The following EPO variants were observed in gnomAD, a reference collection of about 807,000 sequenced individuals.
EPO encodes the protein erythropoietin.
A neutral mutation model predicts 24.4 loss-of-function variants in EPO; 12 were observed. The observed-to-expected ratio is 0.49, with a 90% CI of 0.32 to 0.80. The LOEUF is 0.80. Ranked by LOEUF, EPO falls within the 30% of genes least tolerant of loss-of-function variation. The pLI, the probability that EPO is intolerant of heterozygous loss-of-function variation, is 0.04. For synonymous variants in EPO, 107 were observed against 104.0 expected (o/e 1.03, Z -0.18); for missense variants, 210 against 238.0 (o/e 0.88, Z 0.77).
Position 100,721,467 on chromosome 7 carries a change from T to A in EPO, c.14-91T>A. 6.6e-7 allele frequency: 1 copy of A among 1,520,300 alleles called. No individual in the cohort carries two copies. Among genetic ancestry groups the A allele is most frequent in the Non-Finnish European group, 8.9e-7 (1 of 1,126,560 alleles). The allele number at this position is 1,520,300 out of a possible 1,614,324, so 94.2% of individuals were successfully genotyped here. On this transcript the variant is annotated intron_variant, in intron 1 of 4. Coordinates refer to ENST00000252723, the MANE Select transcript of EPO (RefSeq NM_000799.4). The surrounding 1 kb of genome is among the most constrained non-coding windows in gnomAD (Gnocchi z 4.0). ...ATGGTTGGGGACAGGAAGGACGAGC[T>A]GGGGCAGAGACGTGGGGATGAAGGA...
chr7:100,721,877 G>C lies in EPO; in HGVS notation c.160-85G>C. 1 of 1,540,682 alleles carries C rather than the reference G, an allele frequency of 6.5e-7. No individual in the cohort carries two copies. Among genetic ancestry groups the C allele is most frequent in the Non-Finnish European group, 8.8e-7 (1 of 1,139,992 alleles). On this transcript the variant is annotated intron_variant, in intron 2 of 4. Transcript: ENST00000252723. This position sits in a 1 kb window ranked among gnomAD's most constrained non-coding sequence, Gnocchi z 4.0. ...AAACCATACCTGGAAACTAGGCAAG[G>C]AGCAAAGCCAGCAGATCCTACGGCC...
chr7:100,721,691 C>A lies in EPO; in HGVS notation c.147C>A (p.Ala49=). 6.2e-7 allele frequency: 1 copy of A among 1,610,300 alleles called. No individual in the cohort carries two copies. Among genetic ancestry groups the A allele is most frequent in the Non-Finnish European group, 8.5e-7 (1 of 1,179,908 alleles). Residue 49 remains alanine (A), a synonymous_variant, in exon 2 of 5, where the codon GCC becomes GCA. Coordinates refer to ENST00000252723, the MANE Select transcript of EPO (RefSeq NM_000799.4). The surrounding 1 kb of genome is among the most constrained non-coding windows in gnomAD (Gnocchi z 4.0). ...GGTACCTCTTGGAGGCCAAGGAGGCCGAGAATATCACGGTGAGACCCCTTC... is the reference window on the plus strand; with the variant it reads ...GGTACCTCTTGGAGGCCAAGGAGGCAGAGAATATCACGGTGAGACCCCTTC... ...LERYLLEAKE[A]ENITTGCAEH...
rs1328209764 is a variant in EPO at position 100,722,811 on chromosome 7, C to T, written c.394C>T (p.Leu132Phe). 1 of 1,613,902 alleles carries T rather than the reference C, an allele frequency of 6.2e-7. No individual in the cohort carries two copies. The highest frequency in any genetic ancestry group is 2.2e-5 in the East Asian group (1 of 44,858). The change falls in exon 4 of 5, where the codon CTC (leucine) becomes TTC (phenylalanine). Residue 132 changes from leucine to phenylalanine, a missense_variant. Transcript: ENST00000252723. Reference sequence around the variant, plus strand: ...TAAAGCCGTCAGTGGCCTTCGCAGCCTCACCACTCTGCTTCGGGCTCTGGG... The same window carrying T: ...TAAAGCCGTCAGTGGCCTTCGCAGCTTCACCACTCTGCTTCGGGCTCTGGG... ...VDKAVSGLRS[L>F]TTLLRALGAQ...
Position 100,723,534 on chromosome 7 carries a change from T to G in EPO, c.*401T>G. 6.1e-6 allele frequency: 1 copy of G among 165,278 alleles called. No homozygotes were observed. The highest frequency in any genetic ancestry group is 1.8e-4 in the East Asian group (1 of 5,570). The allele number at this position is 165,278 out of a possible 1,614,324, so 10.2% of individuals were successfully genotyped here. Reference sequence around the variant, plus strand: ...CCTGGATAACTTAGGTGGCAAGCTGTGACTTCTCCAGGTCTCACGGGCATG... The same window carrying G: ...CCTGGATAACTTAGGTGGCAAGCTGGGACTTCTCCAGGTCTCACGGGCATG... On this transcript the variant is annotated 3_prime_UTR_variant, in exon 5 of 5. Coordinates refer to ENST00000252723, the MANE Select transcript of EPO (RefSeq NM_000799.4).
At chr7:100,722,370 A>G (rs1372829149) in intron 3 of EPO, among the ~76,000 whole-genome samples, 2 of 152,102 alleles carry the variant, frequency 1.3e-5, no homozygotes, top group African/African-American at 4.8e-5. Context: ...GGATCGCTTG[A>G]GCCCAGGAAT....
At position 100,720,941 on chromosome 7, in the gene EPO, C is replaced by T. The variant is rs141701177; in HGVS notation, c.-40C>T. The T allele has an allele frequency of 3.9e-3, 6,066 of 1,541,998 alleles. 18 individuals carry two copies. Among genetic ancestry groups the T allele is most frequent in the Non-Finnish European group, 4.4e-3 (5,071 of 1,146,778 alleles). ...GAGGGCCCCCGGTGTGGTCACCCGG[C>T]GCGCCCCAGGTCGCTGAGGGACCCC... On this transcript the variant is annotated 5_prime_UTR_variant, in exon 1 of 5. Transcript: ENST00000252723.
At position 100,721,841 on chromosome 7, in the gene EPO, C is replaced by A; in HGVS notation, c.160-121C>A. On this transcript the variant is annotated intron_variant, in intron 2 of 4. Coordinates refer to ENST00000252723, the MANE Select transcript of EPO (RefSeq NM_000799.4). The surrounding 1 kb of genome is among the most constrained non-coding windows in gnomAD (Gnocchi z 4.0). ...ACTGCCCCCCTACATAAGAATAAGT[C>A]TGGTGGCCCCAAACCATACCTGGAA... 6.7e-7 allele frequency: 1 copy of A among 1,502,190 alleles called. No individual in the cohort carries two copies. The highest frequency in any genetic ancestry group is 2.3e-5 in the East Asian group (1 of 44,088). The allele number at this position is 1,502,190 out of a possible 1,614,324, so 93.1% of individuals were successfully genotyped here.
Position 100,721,451 on chromosome 7 carries a change from G to A in EPO, c.14-107G>A. ...GCACCTGAGTGCTTGCATGGTTGGG[G>A]ACAGGAAGGACGAGCTGGGGCAGAG... On this transcript the variant is annotated intron_variant, in intron 1 of 4. Coordinates refer to ENST00000252723, the MANE Select transcript of EPO (RefSeq NM_000799.4). This position sits in a 1 kb window ranked among gnomAD's most constrained non-coding sequence, Gnocchi z 4.0. The A allele has an allele frequency of 2.1e-6, 3 of 1,456,536 alleles. No individual in the cohort carries two copies. The highest frequency in any genetic ancestry group is 2.8e-6 in the Non-Finnish European group (3 of 1,077,990). The allele number at this position is 1,456,536 out of a possible 1,614,324, so 90.2% of individuals were successfully genotyped here.
Position 100,721,106 on chromosome 7 carries a change from C to A in EPO, c.13+113C>A. Reference sequence around the variant, plus strand: ...CTGGGTTCAAGGACCGGCGACTTGTCAAGGACCCCGGAAGGGGGAGGGGGG... The same window carrying A: ...CTGGGTTCAAGGACCGGCGACTTGTAAAGGACCCCGGAAGGGGGAGGGGGG... On this transcript the variant is annotated intron_variant, in intron 1 of 4. Coordinates refer to ENST00000252723, the MANE Select transcript of EPO (RefSeq NM_000799.4). This position sits in a 1 kb window ranked among gnomAD's most constrained non-coding sequence, Gnocchi z 4.0. The A allele has an allele frequency of 8.0e-7, 1 of 1,249,046 alleles. No homozygotes were observed. Among genetic ancestry groups the A allele is most frequent in the Non-Finnish European group, 1.1e-6 (1 of 947,842 alleles). 77.4% of individuals were successfully genotyped at this position (1,249,046 alleles called of 1,614,324 possible). A position where few individuals can be genotyped will look rare whatever the true frequency, so the allele number is the denominator to read the frequency against.
At chr7:100,722,871 C>T in intron 4 of EPO, 28 bp downstream of exon 4, 1 of 1,609,244 alleles carries the variant, frequency 6.2e-7, no homozygotes, top group Non-Finnish European at 8.5e-7. Flanking sequence ...CTTCTGCTTG[C>T]CCTTTCTGTA....
Position 100,723,353 on chromosome 7 carries a change from C to G in EPO, c.*220C>G, listed in dbSNP as rs535398997. ...ATGTCACAGGGCCAACTTGAGGGCCCAGAGCAGGAAGCATTCAGAGAGCAG... is the reference window on the plus strand; with the variant it reads ...ATGTCACAGGGCCAACTTGAGGGCCGAGAGCAGGAAGCATTCAGAGAGCAG... On this transcript the variant is annotated 3_prime_UTR_variant, in exon 5 of 5. Transcript: ENST00000252723. 50 of 540,856 alleles carry G rather than the reference C, an allele frequency of 9.2e-5. No individual in the cohort carries two copies. Among genetic ancestry groups the G allele is most frequent in the African/African-American group, 9.0e-4 (47 of 52,466 alleles). 33.5% of individuals were successfully genotyped at this position (540,856 alleles called of 1,614,324 possible). A position where few individuals can be genotyped will look rare whatever the true frequency, so the allele number is the denominator to read the frequency against.
In EPO at chr7:100,721,506, C is replaced by T. The variant is rs1806739170; in HGVS notation, c.14-52C>T. ...GGGGATGAAGGAAGCTGTCCTTCCA[C>T]AGCCACCCTTCTCCCTCCCCGCCTG... On this transcript the variant is annotated intron_variant, in intron 1 of 4. Coordinates refer to ENST00000252723, the MANE Select transcript of EPO (RefSeq NM_000799.4). The surrounding 1 kb of genome is among the most constrained non-coding windows in gnomAD (Gnocchi z 4.0). 1.3e-6 allele frequency: 2 copies of T among 1,588,762 alleles called. No individual in the cohort carries two copies. Among genetic ancestry groups the T allele is most frequent in the Admixed American group, 1.7e-5 (1 of 57,746 alleles).
Position 100,722,945 on chromosome 7 carries a change from C to T in EPO, c.427-33C>T, listed in dbSNP as rs372954682. ...GTCCGTATTCCTTCCCTTTCTGTGG[C>T]ACTGCAGCGACCTCCTGTTTTCTCC... On this transcript the variant is annotated intron_variant, in intron 4 of 4. Transcript: ENST00000252723. The T allele has an allele frequency of 5.6e-6, 9 of 1,611,852 alleles. No homozygotes were observed. The African/African-American group carries it at 1.2e-4, about 22-fold the overall frequency.
chr7:100,721,702 C>T lies in EPO; in HGVS notation c.158C>T (p.Thr53Met), dbSNP rs773895305. ...GAGGCCAAGGAGGCCGAGAATATCA[C>T]GGTGAGACCCCTTCCCCAGCACATT... Reference protein sequence around the residue: ...LLEAKEAENITTGCAEHCSLN... With the variant: ...LLEAKEAENIMTGCAEHCSLN... The change falls in exon 2 of 5, where the codon ACG (threonine) becomes ATG (methionine). Residue 53 changes from threonine (T) to methionine (M), a missense_variant and splice_region_variant. Thr to Met is a moderately conservative substitution (Grantham distance 81). Coordinates refer to ENST00000252723, the MANE Select transcript of EPO (RefSeq NM_000799.4). This position sits in a 1 kb window ranked among gnomAD's most constrained non-coding sequence, Gnocchi z 4.0. 1.4e-5 allele frequency: 23 copies of T among 1,607,988 alleles called. No homozygotes were observed. Among genetic ancestry groups the T allele is most frequent in the South Asian group, 2.2e-5 (2 of 91,010 alleles).
rs1415744925 is a variant in EPO, at chr7:100,723,661, TGTA to T, written c.*529_*531del. ...TGGCTCTCATGGGGTCCAAGTTTTG[TGTA>T]TTCTTCAACCTCATTGACAAGAACT... On this transcript the variant is annotated 3_prime_UTR_variant, in exon 5 of 5. Transcript: ENST00000252723. 6.5e-6 allele frequency: 1 copy of T among 152,698 alleles called. No individual in the cohort carries two copies. The highest frequency in any genetic ancestry group is 1.5e-5 in the Non-Finnish European group (1 of 68,496). 9.5% of individuals were successfully genotyped at this position (152,698 alleles called of 1,614,324 possible). A position where few individuals can be genotyped will look rare whatever the true frequency, so the allele number is the denominator to read the frequency against.
intron 3 of EPO, 134 bp from the exon 4 acceptor site, chr7:100,722,529 TC>T: frequency 1.6e-6 from 1 of 641,156 alleles, no homozygotes; most frequent in Non-Finnish European, 2.7e-6. Context: ...ACTCACTCAC[TC>T]ATTCATTCAT....
Position 100,723,103 on chromosome 7 carries a change from A to T in EPO, c.552A>T (p.Thr184=). 2 of 1,614,034 alleles carry T rather than the reference A, an allele frequency of 1.2e-6. No individual in the cohort carries two copies. The highest frequency in any genetic ancestry group is 1.7e-6 in the Non-Finnish European group (2 of 1,180,000). Reference sequence around the variant, plus strand: ...TCCGGGGAAAGCTGAAGCTGTACACAGGGGAGGCCTGCAGGACAGGGGACA... The same window carrying T: ...TCCGGGGAAAGCTGAAGCTGTACACTGGGGAGGCCTGCAGGACAGGGGACA... ...NFLRGKLKLY[T]GEACRTGDR Residue 184 remains threonine (T), a synonymous_variant, in exon 5 of 5, where the codon ACA becomes ACT. Coordinates refer to ENST00000252723, the MANE Select transcript of EPO (RefSeq NM_000799.4).
intron 3 of EPO, among the ~76,000 whole-genome samples, chr7:100,722,325 T>TG (rs1251356996): frequency 6.6e-6 from 1 of 151,918 alleles, no homozygotes; most frequent in Non-Finnish European, 1.5e-5. Flanking sequence ...TGGTGCATGG[T>TG]GGTAGTCCCA....
chr7:100,721,858 T>C lies in EPO; in HGVS notation c.160-104T>C. The stretch of plus-strand genomic sequence containing the variant: ...GAATAAGTCTGGTGGCCCCAAACCA[T>C]ACCTGGAAACTAGGCAAGGAGCAAA... On this transcript the variant is annotated intron_variant, in intron 2 of 4. Transcript: ENST00000252723. This position sits in a 1 kb window ranked among gnomAD's most constrained non-coding sequence, Gnocchi z 4.0. 31 of 1,519,516 alleles carry C rather than the reference T, an allele frequency of 2.0e-5. No individual in the cohort carries two copies. The highest frequency in any genetic ancestry group is 2.6e-5 in the Non-Finnish European group (29 of 1,126,066). 94.1% of individuals were successfully genotyped at this position (1,519,516 alleles called of 1,614,324 possible).
Sources: allele counts gnomAD v4.1 joint callset (sites outside exome capture counted in the v4.1 genomes callset), GRCh38; gene constraint gnomAD v4.1.1; non-coding constraint Gnocchi (gnomAD v3.1); transcripts MANE v1.5; gene names NCBI Gene and HGNC (gene_info 2026-07-23, HGNC 2026-07-21).